The following PLEKHG1 variants were observed in gnomAD, a reference collection of about 807,000 sequenced individuals.
PLEKHG1 encodes pleckstrin homology domain-containing family G member 1.
In PLEKHG1, 44 loss-of-function variants were observed where a neutral mutation model predicts 100.8. The ratio of observed to expected loss-of-function variants is 0.44; its 90% CI spans 0.34 to 0.56. The LOEUF (loss-of-function observed/expected upper bound fraction) is 0.56. Among genes scored for constraint, PLEKHG1 ranks in the 20% least tolerant of loss-of-function variants. The pLI, the probability that PLEKHG1 is intolerant of heterozygous loss-of-function variation, is 0.01. For missense variants in PLEKHG1, 1,545 were observed against 1,720.9 expected, an observed-to-expected ratio of 0.90 and a Z score of 1.81; for synonymous variants, 640 against 662.5, an observed-to-expected ratio of 0.97 and a Z score of 0.52.
At chr6:150,714,234 GC>G (rs1781341889) in intron 3 of PLEKHG1, among the ~76,000 whole-genome samples, 3 of 152,158 alleles carry the variant, frequency 2.0e-5, no homozygotes, top group African/African-American at 7.2e-5. Flanking sequence ...AAAGCAAGAG[GC>G]TTTTTGCAAC....
At chr6:150,639,410 T>C (rs1380459307) in intron 2 of PLEKHG1, among the ~76,000 whole-genome samples, 2 of 152,238 alleles carry the variant, frequency 1.3e-5, no homozygotes, top group East Asian at 3.8e-4. Context: ...GTGTTTGGAA[T>C]ATTCAGTATC....
At chr6:150,756,723 G>A (rs893987865) in intron 2 of PLEKHG1, among the ~76,000 whole-genome samples, 4 of 152,092 alleles carry the variant, frequency 2.6e-5, no homozygotes, top group Non-Finnish European at 5.9e-5. Context: ...TTGGCTGGCT[G>A]AAATTTGATT....
chr6:150,762,719 C>T (rs893878355), intron 2 of PLEKHG1, among the ~76,000 whole-genome samples: 1 of 152,128 alleles, frequency 6.6e-6, no homozygotes, highest in African/African-American at 2.4e-5. Context: ...TTCCCCAGAT[C>T]CTGTTTCTTT....
At chr6:150,781,226 T>A (rs1785293563) in intron 3 of PLEKHG1, among the ~76,000 whole-genome samples, 1 of 147,832 alleles carries the variant, frequency 6.8e-6, no homozygotes, top group Non-Finnish European at 1.5e-5. Flanking sequence ...CAGATTAGGC[T>A]GGGCACGGTG....
Position 150,831,088 on chromosome 6 carries a change from T to C in PLEKHG1, c.1977T>C (p.His659=), listed in dbSNP as rs1464061719. 1.9e-6 allele frequency: 3 copies of C among 1,613,512 alleles called. No homozygotes were observed. The highest frequency in any genetic ancestry group is 1.7e-5 in the Admixed American group (1 of 60,012). Reference sequence around the variant, plus strand: ...AGTTGACTATTGATGACATAGACCATGTCTATGATAACATCAGTTATGAGG... The same window carrying C: ...AGTTGACTATTGATGACATAGACCACGTCTATGATAACATCAGTTATGAGG... The change falls in exon 15 of 16, where the codon CAT becomes CAC. Residue 659 remains histidine (H), a synonymous_variant. Transcript: ENST00000358517. The surrounding 1 kb of genome is among the most constrained non-coding windows in gnomAD (Gnocchi z 4.1).
intron 3 of PLEKHG1, among the ~76,000 whole-genome samples, chr6:150,699,912 C>G (rs1780697077): frequency 6.6e-6 from 1 of 151,936 alleles, no homozygotes; most frequent in Admixed American, 6.5e-5. Flanking sequence ...TATCCATGGC[C>G]CCTGCTATTT....
intron 3 of PLEKHG1, among the ~76,000 whole-genome samples, chr6:150,715,704 C>T (rs1198768966): frequency 2.0e-5 from 3 of 150,590 alleles, no homozygotes; most frequent in Admixed American, 6.6e-5. Context: ...AGGCTGGTCT[C>T]GAACTCCTGA....
chr6:150,746,068 C>T (rs1011583367), intron 2 of PLEKHG1, among the ~76,000 whole-genome samples: 8 of 152,134 alleles, frequency 5.3e-5, no homozygotes, highest in African/African-American at 1.2e-4. Flanking sequence ...TCACCTGCCA[C>T]GGGCTGGGAG....
chr6:150,834,361 A>G (rs796168258), intron 15 of PLEKHG1, among the ~76,000 whole-genome samples: 30 of 152,304 alleles, frequency 2.0e-4, no homozygotes, highest in African/African-American at 6.7e-4. Context: ...TATATTGGCA[A>G]TTGCAAGCAC....
chr6:150,755,794 C>T (rs1430606628), intron 2 of PLEKHG1, among the ~76,000 whole-genome samples: 2 of 152,128 alleles, frequency 1.3e-5, no homozygotes, highest in Admixed American at 6.5e-5. Context: ...ATGTTGCATC[C>T]GGCAGTGCCT....
chr6:150,730,688 C>T (rs1306005841), intron 1 of PLEKHG1, among the ~76,000 whole-genome samples: 11 of 151,956 alleles, frequency 7.2e-5, no homozygotes, highest in Admixed American at 4.6e-4. Flanking sequence ...GGATCACCTG[C>T]GGTCAGGAGT....
At position 150,724,485 on chromosome 6, in the gene PLEKHG1, A is replaced by G. The variant is rs970910414; in HGVS notation, c.-99+3285A>G. On this transcript the variant is annotated intron_variant, in intron 1 of 15. Coordinates refer to ENST00000358517, the Ensembl canonical transcript of PLEKHG1. The stretch of plus-strand genomic sequence containing the variant: ...AAGTCACCACACACAAAAAAAGCAT[A>G]CAACAAAAGTAAAAACAGCTGCATT... Among the ~76,000 whole-genome samples the G allele has an allele frequency of 7.2e-5, 11 of 152,292 alleles. No individual in the cohort carries two copies. The East Asian group carries it at 2.1e-3, about 29-fold the overall frequency.
intron 1 of PLEKHG1, among the ~76,000 whole-genome samples, chr6:150,616,302 C>T (rs1205818521): frequency 6.6e-6 from 1 of 152,140 alleles, no homozygotes; most frequent in East Asian, 1.9e-4. Flanking sequence ...CAGCTACATA[C>T]CTAGTTAAAA....
At chr6:150,657,260 GC>G in intron 3 of PLEKHG1, among the ~76,000 whole-genome samples, 1 of 136,082 alleles carries the variant, frequency 7.3e-6, no homozygotes, top group African/African-American at 3.3e-5. Flanking sequence ...AAGAATTTCT[GC>G]TTTGTAGAAA....
chr6:150,685,523 G>T (rs1398548865), intron 3 of PLEKHG1, among the ~76,000 whole-genome samples: 1 of 152,200 alleles, frequency 6.6e-6, no homozygotes, highest in Non-Finnish European at 1.5e-5. Context: ...GGTGCTGCAG[G>T]AATCCCGCCC....
Position 150,800,788 on chromosome 6 carries a change from A to G in PLEKHG1, c.699A>G (p.Glu233=), listed in dbSNP as rs754684089. The G allele has an allele frequency of 4.3e-6, 7 of 1,613,784 alleles. No homozygotes were observed. The East Asian group carries it at 1.6e-4, about 36-fold the overall frequency. ...CCAAATTCTTCAGGGAGCGTCAGGA[A>G]ACTCTGAAACACTCGCTGCCTCTGG... Residue 233 remains glutamate, a synonymous_variant, in exon 6 of 16, where the codon GAA becomes GAG. Coordinates refer to ENST00000358517, the Ensembl canonical transcript of PLEKHG1.
intron 7 of PLEKHG1, among the ~76,000 whole-genome samples, chr6:150,807,403 G>A (rs1787187720): frequency 6.6e-6 from 1 of 152,104 alleles, no homozygotes; most frequent in Non-Finnish European, 1.5e-5. Context: ...TCAGACTCTG[G>A]CTCAAACTAA....
chr6:150,840,572 T>A, exon 16 of PLEKHG1: 1 of 1,614,220 alleles, frequency 6.2e-7, no homozygotes, highest in Non-Finnish European at 8.5e-7. Context: ...GAGATGAAGA[T>A]GACTATGTGG....
chr6:150,689,162 TTGAC>T (rs1462625348), intron 3 of PLEKHG1, among the ~76,000 whole-genome samples: 1 of 152,234 alleles, frequency 6.6e-6, no homozygotes, highest in Non-Finnish European at 1.5e-5. Context: ...CCTTTTCTGT[TTGAC>T]TTATTTCACT....
Sources: allele counts gnomAD v4.1 joint callset (sites outside exome capture counted in the v4.1 genomes callset), GRCh38; gene constraint gnomAD v4.1.1; non-coding constraint Gnocchi (gnomAD v3.1); transcripts MANE v1.5; gene names NCBI Gene and HGNC (gene_info 2026-07-23, HGNC 2026-07-21).